FLCN: variants seen among roughly 807,000 people sequenced by gnomAD.
The protein encoded by FLCN is folliculin, also known as BHD skin lesion fibrofolliculoma protein.
Under a neutral mutation model 62.5 loss-of-function variants are expected in FLCN, and 22 were observed. The observed-to-expected ratio is 0.35, with a 90% confidence interval of 0.25 to 0.50. The LOEUF is 0.50. Ranked by LOEUF, FLCN falls within the 20% of genes least tolerant of loss-of-function variation. The pLI is 0.97. For missense variants in FLCN, 657 were observed against 778.0 expected (o/e 0.84, Z 1.85); for synonymous variants, 319 against 310.0 (o/e 1.03, Z -0.30).
In FLCN at chr17:17,215,228, G is replaced by A. The variant is rs137852929; in HGVS notation, c.1389C>T (p.Tyr463=). The A allele has an allele frequency of 2.9e-5, 47 of 1,614,082 alleles. No homozygotes were observed. The highest frequency in any genetic ancestry group is 1.1e-4 in the South Asian group (10 of 91,094). Reference sequence around the variant, plus strand: ...GGCTCCCACTGGTCACCACAAACTCGTACTTGCTGAGAGACTGGTCATCCT... The same window carrying A: ...GGCTCCCACTGGTCACCACAAACTCATACTTGCTGAGAGACTGGTCATCCT... ...GCEDDQSLSK[Y]EFVVTSGSPV... is the part of the protein sequence containing the mutation. Residue 463 remains tyrosine, a synonymous_variant, in exon 12 of 14, where the codon TAC becomes TAT. Transcript: ENST00000285071.
At chr17:17,235,982 C>G (rs2047572056) in intron 1 of FLCN, 1 of 152,314 alleles carries the variant, frequency 6.6e-6, no homozygotes, top group East Asian at 1.9e-4. Context: ...GTGACCTCAC[C>G]ACCACCCGTG....
rs1452773938 is a variant in FLCN, at chr17:17,225,841, A to G, written c.396+335T>C. ...GGTTGCAGTGAACCATGACGGCACC[A>G]CTGCACTCCAGTCTGGACGACAGAG... On this transcript the variant is annotated intron_variant, in intron 5 of 13. Transcript: ENST00000285071. The G allele has an allele frequency of 2.7e-5, 11 of 400,716 alleles. No homozygotes were observed. In the Admixed American group the frequency reaches 3.6e-4, roughly 13 times the overall value. 24.8% of individuals were successfully genotyped at this position (400,716 alleles called of 1,614,324 possible). A position where few individuals can be genotyped will look rare whatever the true frequency, so the allele number is the denominator to read the frequency against.
chr17:17,218,933 G>C, intron 9 of FLCN, 86 bp downstream of exon 9: 1 of 1,472,310 alleles, frequency 6.8e-7, no homozygotes, highest in South Asian at 1.2e-5. Flanking sequence ...GAAGGTGGAG[G>C]GTCCAGAGGC....
chr17:17,230,680 T>TGCGC (rs1379117784), intron 3 of FLCN, among the ~76,000 whole-genome samples: 3 of 144,070 alleles, frequency 2.1e-5, no homozygotes, highest in Non-Finnish European at 4.5e-5. Context: ...GAGCCAAGAC[T>TGCGC]AGGTCACTGC....
chr17:17,217,008 G>C, intron 10 of FLCN, 61 bp downstream of exon 10: 1 of 1,259,622 alleles, frequency 7.9e-7, no homozygotes, highest in Non-Finnish European at 1.2e-6. Context: ...ATCCCCACCT[G>C]ACGCCAGGCA....
chr17:17,215,859 G>C (rs1316776656), intron 11 of FLCN, among the ~76,000 whole-genome samples: 1 of 152,160 alleles, frequency 6.6e-6, no homozygotes, highest in Non-Finnish European at 1.5e-5. Flanking sequence ...TGATGAGCCT[G>C]GGGGGCTGAT....
intron 4 of FLCN, 122 bp downstream of exon 4, chr17:17,227,767 T>G (rs2047296048): frequency 7.2e-7 from 1 of 1,383,386 alleles, no homozygotes; most frequent in Non-Finnish European, 1.0e-6. Flanking sequence ...CGGAAAGAAC[T>G]GAAGGGCCCC....
In FLCN at chr17:17,213,298, G is replaced by A. The variant is rs1252435395; in HGVS notation, c.*357C>T. On this transcript the variant is annotated 3_prime_UTR_variant, in exon 14 of 14. Coordinates refer to ENST00000285071, the MANE Select transcript of FLCN (RefSeq NM_144997.7). ...TAACCTCGGGAGCAGACATGTTATT[G>A]CGACTGCATACTGAGTCGGACCTGT... is the stretch of plus-strand genomic sequence containing the variant. 2.2e-6 allele frequency: 1 copy of A among 454,164 alleles called. No homozygotes were observed. The highest frequency in any genetic ancestry group is 4.1e-6 in the Non-Finnish European group (1 of 244,760). 28.1% of individuals were successfully genotyped at this position (454,164 alleles called of 1,614,324 possible). A position where few individuals can be genotyped will look rare whatever the true frequency, so the allele number is the denominator to read the frequency against.
At chr17:17,221,047 C>T in intron 8 of FLCN, 1 of 766,714 alleles carries the variant, frequency 1.3e-6, no homozygotes, top group Non-Finnish European at 1.9e-6. Flanking sequence ...TGCTTCCAGG[C>T]TGGTGCACAC....
intron 5 of FLCN, chr17:17,224,482 G>A (rs2047192721): frequency 4.5e-6 from 2 of 445,188 alleles, no homozygotes; most frequent in Admixed American, 7.0e-5. Context: ...AGAACCAGCA[G>A]GTCAGAGCAG....
rs897451005 is a variant in FLCN, at chr17:17,221,249, A to G, written c.871+288T>C. 7 of 1,539,950 alleles carry G rather than the reference A, an allele frequency of 4.5e-6. No individual in the cohort carries two copies. In the African/African-American group the frequency reaches 8.2e-5, roughly 18 times the overall value. Reference sequence around the variant, plus strand: ...ACTTGGCTATCACAAAATCGGGACGAGAAGCCTTTAATCAGCCAGTTCTCT... The same window carrying G: ...ACTTGGCTATCACAAAATCGGGACGGGAAGCCTTTAATCAGCCAGTTCTCT... On this transcript the variant is annotated intron_variant, in intron 8 of 13. Transcript: ENST00000285071.
At chr17:17,229,868 G>C (rs776636769) in intron 3 of FLCN, among the ~76,000 whole-genome samples, 4 of 152,180 alleles carry the variant, frequency 2.6e-5, no homozygotes, top group Non-Finnish European at 5.9e-5. Flanking sequence ...CCCCAAGCTT[G>C]GCCACAGTAC....
intron 8 of FLCN, 58 bp downstream of exon 8, chr17:17,221,479 C>G (rs1427470266): frequency 7.4e-6 from 12 of 1,614,072 alleles, no homozygotes; most frequent in Non-Finnish European, 1.0e-5. Context: ...GAGCAGACAG[C>G]TGGTACCGCC....
chr17:17,228,041 C>A lies in FLCN; in HGVS notation c.97G>T (p.Asp33Tyr), dbSNP rs386833401. ...TGGCCAGGACTGTCCTCATTCCCATCCCCTTGAGGAAGTGGGGCGTGCAGC... is the reference window on the plus strand; with the variant it reads ...TGGCCAGGACTGTCCTCATTCCCATACCCTTGAGGAAGTGGGGCGTGCAGC... ...EVLHAPLPQG[D>Y]GNEDSPGQGE... Residue 33 changes from aspartate (D) to tyrosine (Y), a missense_variant, in exon 4 of 14, where the codon GAT becomes TAT. Physicochemically the swap from Asp to Tyr is radical, Grantham distance 160. Coordinates refer to ENST00000285071, the MANE Select transcript of FLCN (RefSeq NM_144997.7). 3.7e-6 allele frequency: 6 copies of A among 1,613,808 alleles called. No homozygotes were observed. Among genetic ancestry groups the A allele is most frequent in the Non-Finnish European group, 5.1e-6 (6 of 1,180,062 alleles).
Position 17,221,385 on chromosome 17 carries a change from C to G in FLCN, c.871+152G>C, listed in dbSNP as rs761710724. ...ATCACAACAATCACAACAATCACAC[C>G]GAGATCGGAGGGTGAGCTTCCCGAA... On this transcript the variant is annotated intron_variant, in intron 8 of 13. Transcript: ENST00000285071. 3.1e-6 allele frequency: 5 copies of G among 1,612,074 alleles called. No individual in the cohort carries two copies. In the South Asian group the frequency reaches 4.4e-5, roughly 14 times the overall value.
chr17:17,219,622 T>C (rs181542201), intron 8 of FLCN: 104 of 179,412 alleles, frequency 5.8e-4, no homozygotes, highest in Non-Finnish European at 9.5e-4. Flanking sequence ...CAGGCTGGAG[T>C]GCAGTGGCGC....
chr17:17,228,342 T>A, intron 3 of FLCN, 181 bp from the exon 4 acceptor site: 1 of 664,404 alleles, frequency 1.5e-6, no homozygotes, highest in Non-Finnish European at 2.5e-6. Context: ...GGAACAGAGA[T>A]AGGATCTTCC....
rs756302545 is a variant in FLCN, at chr17:17,213,698, A to T, written c.1697T>A (p.Met566Lys). 2.5e-6 allele frequency: 4 copies of T among 1,614,068 alleles called. No homozygotes were observed. Among genetic ancestry groups the T allele is most frequent in the South Asian group, 2.2e-5 (2 of 91,070 alleles). The change falls in exon 14 of 14, where the codon ATG becomes AAG. Residue 566 changes from methionine to lysine, a missense_variant. Transcript: ENST00000285071. Reference protein sequence around the residue: ...GLSKTYKSHLMSTVRSPTASE... With the variant: ...GLSKTYKSHLKSTVRSPTASE... Reference sequence around the variant, plus strand: ...GGCTGTGGGGCTGCGGACCGTGGACATGAGGTGTGACTTGTAGGTCTTGCT... The same window carrying T: ...GGCTGTGGGGCTGCGGACCGTGGACTTGAGGTGTGACTTGTAGGTCTTGCT...
At chr17:17,230,079 G>C (rs2047375414) in intron 3 of FLCN, among the ~76,000 whole-genome samples, 1 of 152,182 alleles carries the variant, frequency 6.6e-6, no homozygotes, top group Admixed American at 6.5e-5. Flanking sequence ...TTCTGGAAAC[G>C]AGACCGCAAA....
Sources: allele counts gnomAD v4.1 joint callset (sites outside exome capture counted in the v4.1 genomes callset), GRCh38; gene constraint gnomAD v4.1.1; transcripts MANE v1.5; gene names NCBI Gene and HGNC (gene_info 2026-07-23, HGNC 2026-07-21).